Variants in SKAP1 observed in about 807,000 individuals in gnomAD.
SKAP1 encodes the protein src kinase associated phosphoprotein 1, also known as src kinase-associated phosphoprotein 1.
In SKAP1, 44 loss-of-function variants were observed where a neutral mutation model predicts 58.5. The ratio of observed to expected loss-of-function variants is 0.75; its 90% CI spans 0.59 to 0.97. The LOEUF (loss-of-function observed/expected upper bound fraction) is 0.97. SKAP1 is among the 50% of genes least tolerant of loss of function. The probability of loss-of-function intolerance (pLI) is 0.00; values close to 1 mark genes in which losing one functional copy is unlikely to be tolerated. For missense variants in SKAP1, 390 were observed against 435.2 expected (o/e 0.90, Z 0.92); for synonymous variants, 127 against 149.7 (o/e 0.85, Z 1.11).
intron 2 of SKAP1, among the ~76,000 whole-genome samples, chr17:48,393,631 C>G (rs1319398236): frequency 6.6e-6 from 1 of 152,050 alleles, no homozygotes; most frequent in Non-Finnish European, 1.5e-5. Flanking sequence ...GAGCTAAGCC[C>G]CTAAAGTTTA....
the SKAP1 span, among the ~76,000 whole-genome samples, chr17:48,435,767 G>T: frequency 6.6e-6 from 1 of 152,206 alleles, no homozygotes; most frequent in African/African-American, 2.4e-5. Context: ...GATTCAAGGT[G>T]AGAGAAGGGG....
At chr17:48,405,615 A>G (rs1405226872) in intron 1 of SKAP1, among the ~76,000 whole-genome samples, 1 of 149,052 alleles carries the variant, frequency 6.7e-6, no homozygotes, top group Non-Finnish European at 1.5e-5. Flanking sequence ...TGATTCCCCT[A>G]TCAGCCTCCT....
chr17:48,203,481 G>A (rs989840611), intron 4 of SKAP1, among the ~76,000 whole-genome samples: 4 of 152,186 alleles, frequency 2.6e-5, no homozygotes, highest in African/African-American at 7.2e-5. Flanking sequence ...TAGCTCTTCC[G>A]AGCAGCCTTT....
At chr17:48,355,645 G>A (rs1046588863) in intron 3 of SKAP1, among the ~76,000 whole-genome samples, 2 of 152,006 alleles carry the variant, frequency 1.3e-5, no homozygotes, top group Non-Finnish European at 2.9e-5. Context: ...TGGCCAACAT[G>A]GCAAAACCCC....
At chr17:48,202,166 C>T (rs2064737055) in intron 4 of SKAP1, among the ~76,000 whole-genome samples, 1 of 152,174 alleles carries the variant, frequency 6.6e-6, no homozygotes, top group African/African-American at 2.4e-5. Flanking sequence ...CTCTATGTCT[C>T]TCTAGTAAAA....
chr17:48,400,652 A>G (rs1168992904), intron 1 of SKAP1, among the ~76,000 whole-genome samples: 1 of 151,972 alleles, frequency 6.6e-6, no homozygotes, highest in Non-Finnish European at 1.5e-5. Context: ...CAGGAGGCTA[A>G]GGTGGCCTCA....
chr17:48,363,367 T>C (rs1274417156), intron 3 of SKAP1, among the ~76,000 whole-genome samples: 1 of 152,210 alleles, frequency 6.6e-6, no homozygotes, highest in East Asian at 1.9e-4. Context: ...AGGCAGGCTG[T>C]GTGGAAGGGC....
chr17:48,443,496 G>C, the SKAP1 span, among the ~76,000 whole-genome samples: 5 of 130,654 alleles, frequency 3.8e-5, no homozygotes, highest in Non-Finnish European at 6.9e-5. Flanking sequence ...GTTTGTTTGA[G>C]ACAGAGTCTT....
chr17:48,180,930 G>T (rs1240184323), intron 8 of SKAP1, among the ~76,000 whole-genome samples: 1 of 152,106 alleles, frequency 6.6e-6, no homozygotes, highest in African/African-American at 2.4e-5. Context: ...TACAGCACTG[G>T]GGAGCACCAG....
chr17:48,352,980 T>C (rs2066821500), intron 3 of SKAP1, among the ~76,000 whole-genome samples: 1 of 152,192 alleles, frequency 6.6e-6, no homozygotes, highest in Non-Finnish European at 1.5e-5. Flanking sequence ...TATCAATTAG[T>C]ATTTTAACTT....
chr17:48,172,772 G>T (rs1457103565), intron 9 of SKAP1, among the ~76,000 whole-genome samples: 1 of 152,108 alleles, frequency 6.6e-6, no homozygotes, highest in African/African-American at 2.4e-5. Context: ...ATGAGTTCCG[G>T]TATGCCAAAC....
At chr17:48,429,029 A>C (rs577110972) in intron 1 of SKAP1, among the ~76,000 whole-genome samples, 115 of 152,384 alleles carry the variant, frequency 7.5e-4, no homozygotes, top group African/African-American at 2.7e-3. Context: ...ATTTATACCG[A>C]GATAACAAGG....
intron 4 of SKAP1, among the ~76,000 whole-genome samples, chr17:48,222,925 G>A (rs996874059): frequency 6.6e-5 from 10 of 151,120 alleles, no homozygotes; most frequent in African/African-American, 1.2e-4. Context: ...TTAGCTGGGC[G>A]TGGAGGTGAG....
intron 2 of SKAP1, among the ~76,000 whole-genome samples, chr17:48,367,376 T>A (rs1441313036): frequency 6.6e-6 from 1 of 151,886 alleles, no homozygotes; most frequent in Non-Finnish European, 1.5e-5. Flanking sequence ...TAGTTAATAA[T>A]ACTGTATTAC....
rs541250806 is a variant in SKAP1 at position 48,368,529 on chromosome 17, C to A, written c.153-4715G>T. Among the ~76,000 whole-genome samples the A allele has an allele frequency of 2.0e-5, 3 of 152,318 alleles. No individual in the cohort carries two copies. The South Asian group carries it at 6.2e-4, about 32-fold the overall frequency. On this transcript the variant is annotated intron_variant, in intron 2 of 12. Transcript: ENST00000336915. Reference sequence around the variant, plus strand: ...AGCCTCTGAGAATTTCATATCAGGCCTGTGCAGATAGATAACAAACACTTC... The same window carrying A: ...AGCCTCTGAGAATTTCATATCAGGCATGTGCAGATAGATAACAAACACTTC...
chr17:48,156,822 C>T (rs538665200), intron 11 of SKAP1, among the ~76,000 whole-genome samples: 7 of 152,172 alleles, frequency 4.6e-5, no homozygotes, highest in Admixed American at 1.3e-4. Context: ...CTGTCAGGGA[C>T]GAAAGCTCTC....
intron 4 of SKAP1, among the ~76,000 whole-genome samples, chr17:48,341,135 C>G (rs1015951635): frequency 6.6e-6 from 1 of 152,016 alleles, no homozygotes; most frequent in Non-Finnish European, 1.5e-5. Flanking sequence ...ATGAGATAAC[C>G]CATGGAAAGC....
At chr17:48,194,701 A>C (rs192531994) in intron 4 of SKAP1, among the ~76,000 whole-genome samples, 3 of 152,330 alleles carry the variant, frequency 2.0e-5, no homozygotes. Flanking sequence ...GTTTTTTAAA[A>C]AACATCTTTT....
chr17:48,344,793 G>A (rs180948432), intron 4 of SKAP1, among the ~76,000 whole-genome samples: 104 of 152,220 alleles, frequency 6.8e-4, no homozygotes, highest in Non-Finnish European at 1.2e-3. Context: ...TTCTTATGTG[G>A]AGGTTATCAA....
Sources: allele counts gnomAD v4.1 joint callset (sites outside exome capture counted in the v4.1 genomes callset), GRCh38; gene constraint gnomAD v4.1.1; transcripts MANE v1.5; gene names NCBI Gene and HGNC (gene_info 2026-07-23, HGNC 2026-07-21).